The following SCN3A variants were observed in gnomAD, a reference collection of about 807,000 sequenced individuals.
The protein encoded by SCN3A is sodium voltage-gated channel alpha subunit 3.
Under a neutral mutation model 187.6 loss-of-function variants are expected in SCN3A, and 60 were observed. The ratio of observed to expected loss-of-function variants is 0.32; its 90% confidence interval spans 0.26 to 0.40. The LOEUF (loss-of-function observed/expected upper bound fraction) is 0.40. SCN3A is among the 10% of genes least tolerant of loss of function. SCN3A has a pLI of 1.00. For missense variants in SCN3A, 1,601 were observed against 2,428.2 expected (o/e 0.66, Z 7.16); for synonymous variants, 788 against 829.2 (o/e 0.95, Z 0.85).
rs141247068 is a variant in SCN3A, at chr2:165,090,933, G to A, written c.5220C>T (p.Asp1740=). 2.4e-4 allele frequency: 382 copies of A among 1,614,126 alleles called. 2 individuals are homozygous for A. In the African/African-American group the frequency reaches 4.0e-3, roughly 17 times the overall value. The change falls in exon 28 of 28, where the codon GAC becomes GAT. Residue 1740 remains aspartate, a synonymous_variant. Coordinates refer to ENST00000283254, the MANE Select transcript of SCN3A (RefSeq NM_006922.4). This position sits in a 1 kb window ranked among gnomAD's most constrained non-coding sequence, Gnocchi z 4.0. ...TIHPGSSVKG[D]CGNPSVGIFF... The stretch of plus-strand genomic sequence containing the variant: ...AAATCCCAACAGATGGGTTCCCACA[G>A]TCTCCCTTAACTGAGCTGCCAGGGT...
intron 10 of SCN3A, 82 bp from the exon 11 acceptor site, chr2:165,154,740 CAGT>C: frequency 7.4e-7 from 1 of 1,348,016 alleles, no homozygotes; most frequent in African/African-American, 1.4e-5. Flanking sequence ...GTTAGATAGT[CAGT>C]AGACTAATTA....
intron 5 of SCN3A, 60 bp downstream of exon 5, chr2:165,168,676 A>C: frequency 6.2e-6 from 7 of 1,136,172 alleles, no homozygotes; most frequent in South Asian, 1.2e-5. Context: ...TATACCCACA[A>C]GGAGATTGCT....
intron 8 of SCN3A, 42 bp downstream of exon 8, chr2:165,162,510 AATTC>A (rs781741016): frequency 2.4e-5 from 38 of 1,612,430 alleles, no homozygotes; most frequent in Non-Finnish European, 2.4e-5. Context: ...TATAGTTGAA[AATTC>A]ATTCAGCAAC....
intron 21 of SCN3A, among the ~76,000 whole-genome samples, chr2:165,111,582 C>G (rs1686121187): frequency 1.4e-5 from 2 of 139,560 alleles, no homozygotes; most frequent in African/African-American, 6.6e-5. Flanking sequence ...GGCAGAAAAT[C>G]TATGAGGGAA....
At chr2:165,138,261 C>T (rs986330361) in intron 14 of SCN3A, 144 bp from the exon 15 acceptor site, 2 of 665,380 alleles carry the variant, frequency 3.0e-6, no homozygotes, top group Non-Finnish European at 2.6e-6. Flanking sequence ...AGAAGACAAT[C>T]CCATTAAATA....
chr2:165,134,231 T>C (rs1340098489), intron 15 of SCN3A, among the ~76,000 whole-genome samples: 1 of 152,210 alleles, frequency 6.6e-6, no homozygotes, highest in East Asian at 1.9e-4. Flanking sequence ...ATTTATTTTT[T>C]AACTCAAAAC....
chr2:165,156,313 T>C (rs951970965), intron 9 of SCN3A, among the ~76,000 whole-genome samples: 2 of 151,264 alleles, frequency 1.3e-5, no homozygotes, highest in African/African-American at 4.9e-5. Context: ...GAGACTATCC[T>C]GGCTAACACA....
intron 15 of SCN3A, among the ~76,000 whole-genome samples, chr2:165,135,910 T>C (rs1687633928): frequency 6.6e-6 from 1 of 152,094 alleles, no homozygotes. Flanking sequence ...CCTGAACTTA[T>C]AGATGGTTCT....
chr2:165,173,456 T>C (rs529380552), intron 3 of SCN3A, among the ~76,000 whole-genome samples: 41 of 152,260 alleles, frequency 2.7e-4, no homozygotes, highest in African/African-American at 8.2e-4. Context: ...CACTATATAG[T>C]AAATGAGTTC....
intron 9 of SCN3A, 104 bp from the exon 10 acceptor site, chr2:165,156,007 G>A (rs1689001566): frequency 3.7e-6 from 5 of 1,366,724 alleles, no homozygotes; most frequent in Admixed American, 3.5e-5. Flanking sequence ...TATCTGTGAC[G>A]AATTATCTTG....
At chr2:165,190,058 G>A (rs146960815) in intron 1 of SCN3A, among the ~76,000 whole-genome samples, 2 of 152,292 alleles carry the variant, frequency 1.3e-5, no homozygotes, top group African/African-American at 4.8e-5. Flanking sequence ...CCATCTAGGT[G>A]GGAATGTGGT....
At chr2:165,188,269 CAA>C (rs1170207780) in intron 1 of SCN3A, among the ~76,000 whole-genome samples, 1 of 152,006 alleles carries the variant, frequency 6.6e-6, no homozygotes, top group Admixed American at 6.6e-5. Context: ...GCCTTGGCTT[CAA>C]AGAGGAGAGA....
intron 19 of SCN3A, 31 bp from the exon 20 acceptor site, chr2:165,114,001 A>G (rs1686240430): frequency 7.2e-7 from 1 of 1,388,914 alleles, no homozygotes; most frequent in African/African-American, 1.5e-5. Flanking sequence ...ATTAAAAAAT[A>G]TATTTTAATC....
At chr2:165,110,879 G>T (rs755386617) in intron 21 of SCN3A, among the ~76,000 whole-genome samples, 1 of 152,052 alleles carries the variant, frequency 6.6e-6, no homozygotes, top group Admixed American at 6.5e-5. Flanking sequence ...GTCTGTGTTA[G>T]GTGTACAAGG....
intron 11 of SCN3A, among the ~76,000 whole-genome samples, chr2:165,151,086 T>C (rs1201967725): frequency 1.3e-5 from 2 of 152,174 alleles, no homozygotes; most frequent in Non-Finnish European, 1.5e-5. Context: ...ATAAAATCAA[T>C]AAGGTATATC....
At chr2:165,127,251 G>A (rs1478758617) in intron 18 of SCN3A, among the ~76,000 whole-genome samples, 10 of 151,708 alleles carry the variant, frequency 6.6e-5, no homozygotes, top group Admixed American at 2.0e-4. Flanking sequence ...TTGTAGAGAG[G>A]AGATTTTGCC....
In SCN3A at chr2:165,092,112, T is replaced by C. The variant is rs1685133739; in HGVS notation, c.4807+142A>G. On this transcript the variant is annotated intron_variant, in intron 27 of 27. Coordinates refer to ENST00000283254, the MANE Select transcript of SCN3A (RefSeq NM_006922.4). The surrounding 1 kb of genome is among the most constrained non-coding windows in gnomAD (Gnocchi z 4.2). ...TGTGAATAAACCCAGGTTTCAGAGT[T>C]TTTATTCAAATATGCTAGTGTTGAA... is the stretch of plus-strand genomic sequence containing the variant. 5 of 844,624 alleles carry C rather than the reference T, an allele frequency of 5.9e-6. No homozygotes were observed. The Admixed American group carries it at 8.0e-5, about 14-fold the overall frequency. The allele number at this position is 844,624 out of a possible 1,614,324, so 52.3% of individuals were successfully genotyped here.
intron 1 of SCN3A, among the ~76,000 whole-genome samples, chr2:165,193,881 C>T (rs1487940538): frequency 6.6e-6 from 1 of 152,022 alleles, no homozygotes; most frequent in Non-Finnish European, 1.5e-5. Flanking sequence ...AATGGTAAAC[C>T]ACACTGGAGC....
chr2:165,158,195 T>TTCTACATTATGG (rs1689178461), intron 9 of SCN3A, among the ~76,000 whole-genome samples: 1 of 140,400 alleles, frequency 7.1e-6, no homozygotes, highest in African/African-American at 2.8e-5. Context: ...GGTTTCAGGA[T>TTCTACATTATGG]TGTTAATCTA....
Sources: gnomAD v4.1 joint callset for allele counts (sites outside exome capture counted in the v4.1 genomes callset) on GRCh38, gnomAD v4.1.1 for gene constraint, Gnocchi (gnomAD v3.1) non-coding constraint, MANE v1.5 for transcripts, NCBI Gene and HGNC (gene_info 2026-07-23, HGNC 2026-07-21) for gene names.